The following DSCAM variants were observed in gnomAD, a reference collection of about 807,000 sequenced individuals.
The protein encoded by DSCAM is cell adhesion molecule DSCAM.
In DSCAM, 47 loss-of-function variants were observed where a neutral mutation model predicts 217.7. The ratio of observed to expected loss-of-function variants is 0.22; its 90% CI spans 0.17 to 0.28. The LOEUF (loss-of-function observed/expected upper bound fraction) is 0.28, where lower values mean the gene tolerates loss of function less well. Ranked by LOEUF, DSCAM falls within the 10% of genes least tolerant of loss-of-function variation. The pLI is 1.00. For missense variants in DSCAM, 2,080 were observed against 2,618.3 expected (o/e 0.79, Z 4.49); for synonymous variants, 1,056 against 1,015.3 (o/e 1.04, Z -0.76).
chr21:40,585,399 G>A (rs1456910131), intron 3 of DSCAM, among the ~76,000 whole-genome samples: 9 of 46,708 alleles, frequency 1.9e-4, no homozygotes, highest in African/African-American at 5.0e-4. Flanking sequence ...CAGCCTGGGC[G>A]ACAGAGCAAG....
At chr21:40,058,910 T>C (rs1436483510) in intron 28 of DSCAM, among the ~76,000 whole-genome samples, 1 of 152,200 alleles carries the variant, frequency 6.6e-6, no homozygotes, top group East Asian at 1.9e-4. Context: ...GCTAAACATA[T>C]TAGTTATTAT....
chr21:40,205,377 C>T (rs770010579), intron 11 of DSCAM, among the ~76,000 whole-genome samples: 1 of 152,070 alleles, frequency 6.6e-6, no homozygotes, highest in Non-Finnish European at 1.5e-5. Context: ...CCAAGGCAGG[C>T]AGATCATCTG....
chr21:40,370,236 A>G (rs1313429782), intron 3 of DSCAM, among the ~76,000 whole-genome samples: 1 of 151,458 alleles, frequency 6.6e-6, no homozygotes, highest in Non-Finnish European at 1.5e-5. Context: ...AAGATAATAA[A>G]ATTTCTGGTC....
intron 3 of DSCAM, among the ~76,000 whole-genome samples, chr21:40,526,640 C>T (rs914697708): frequency 2.6e-5 from 4 of 151,988 alleles, no homozygotes; most frequent in African/African-American, 9.7e-5. Flanking sequence ...AGGAACTTTG[C>T]TTATCAGATT....
chr21:40,138,689 GGTGTGTGGTGTATGTGTGGT>G (rs1380716045), intron 18 of DSCAM, among the ~76,000 whole-genome samples: 2 of 141,696 alleles, frequency 1.4e-5, no homozygotes, highest in African/African-American at 5.4e-5. Flanking sequence ...TGTGTGGTGT[GGTGTGTGGTGTATGTGTGGT>G]GTGTGTGGTG....
intron 1 of DSCAM, among the ~76,000 whole-genome samples, chr21:40,769,640 GACTTTA>G (rs987767244): frequency 2.0e-5 from 3 of 152,198 alleles, no homozygotes; most frequent in African/African-American, 7.2e-5. Context: ...TCCCTGACCA[GACTTTA>G]GGCAGGCCCC....
At chr21:40,230,163 C>T (rs1176995407) in intron 11 of DSCAM, among the ~76,000 whole-genome samples, 5 of 152,078 alleles carry the variant, frequency 3.3e-5, no homozygotes, top group African/African-American at 1.2e-4. Flanking sequence ...TCTTTTCTTG[C>T]AATGTTTTTA....
intron 19 of DSCAM, among the ~76,000 whole-genome samples, chr21:40,124,807 A>T (rs2090077224): frequency 6.6e-6 from 1 of 152,096 alleles, no homozygotes; most frequent in Non-Finnish European, 1.5e-5. Flanking sequence ...TAAATTCCTA[A>T]TGTTGGAGTC....
chr21:40,374,768 G>A (rs191197347), intron 3 of DSCAM, among the ~76,000 whole-genome samples: 19 of 152,302 alleles, frequency 1.2e-4, no homozygotes, highest in East Asian at 7.7e-4. Flanking sequence ...TTCTCTTTCC[G>A]CCCTGTGGGA....
chr21:40,584,736 GGT>G (rs1176337875), intron 3 of DSCAM, among the ~76,000 whole-genome samples: 1 of 152,100 alleles, frequency 6.6e-6, no homozygotes, highest in Non-Finnish European at 1.5e-5. Flanking sequence ...AAGCGCTGTA[GGT>G]GGGAGCTATG....
At chr21:40,184,257 G>A (rs979318248) in intron 14 of DSCAM, among the ~76,000 whole-genome samples, 12 of 152,274 alleles carry the variant, frequency 7.9e-5, no homozygotes, top group African/African-American at 2.9e-4. Flanking sequence ...AAAATTTCTG[G>A]AGGAAGAAAC....
At chr21:40,447,595 T>C (rs1243139005) in intron 3 of DSCAM, among the ~76,000 whole-genome samples, 5 of 152,228 alleles carry the variant, frequency 3.3e-5, no homozygotes, top group Admixed American at 1.3e-4. Flanking sequence ...CGAAATGCTA[T>C]GGCAAACTTT....
At chr21:40,087,434 G>C in intron 21 of DSCAM, 147 bp from the exon 22 acceptor site, 1 of 609,498 alleles carries the variant, frequency 1.6e-6, no homozygotes, top group African/African-American at 1.8e-5. Context: ...TCTGGTACCC[G>C]GGTTATGAGG....
intron 20 of DSCAM, among the ~76,000 whole-genome samples, chr21:40,110,476 C>A (rs1319293414): frequency 2.0e-5 from 3 of 152,152 alleles, no homozygotes; most frequent in Admixed American, 2.0e-4. Context: ...AAAAACAGAG[C>A]AGAAGAACTG....
intron 32 of DSCAM, among the ~76,000 whole-genome samples, chr21:40,014,298 G>C (rs1006922961): frequency 6.6e-6 from 1 of 152,230 alleles, no homozygotes; most frequent in African/African-American, 2.4e-5. Context: ...ACTGAGGCAG[G>C]AGAATCGCTT....
chr21:40,513,570 T>C (rs1195876242), intron 3 of DSCAM, among the ~76,000 whole-genome samples: 7 of 152,100 alleles, frequency 4.6e-5, no homozygotes, highest in African/African-American at 1.4e-4. Context: ...GCAAGAGTGA[T>C]GGCAGGAAGT....
chr21:40,248,859 A>G lies in DSCAM; in HGVS notation c.2356+27238T>C, dbSNP rs140392371. Among the ~76,000 whole-genome samples, 338 of 152,330 alleles carry G rather than the reference A, an allele frequency of 2.2e-3. 2 individuals are homozygous for G. Among genetic ancestry groups the G allele is most frequent in the African/African-American group, 7.8e-3 (324 of 41,580 alleles). ...GGTTGGATTGGACTTACAGTTCCAC[A>G]TGGCTGAGGAGGCCTCAGAATCACG... On this transcript the variant is annotated intron_variant, in intron 11 of 32. Transcript: ENST00000400454.
At chr21:40,789,553 ATTTT>A (rs3071032) in intron 1 of DSCAM, among the ~76,000 whole-genome samples, 209 of 128,702 alleles carry the variant, frequency 1.6e-3, no homozygotes, top group Admixed American at 2.0e-3. Context: ...GAGTAGATTG[ATTTT>A]TTTTTTTTTT....
chr21:40,047,468 G>C (rs906894655), intron 30 of DSCAM, among the ~76,000 whole-genome samples: 1 of 152,186 alleles, frequency 6.6e-6, no homozygotes, highest in Non-Finnish European at 1.5e-5. Flanking sequence ...GAGGGCACAG[G>C]ATATAAATAG....
Sources: gnomAD v4.1 joint callset for allele counts (sites outside exome capture counted in the v4.1 genomes callset) on GRCh38, gnomAD v4.1.1 for gene constraint, MANE v1.5 for transcripts, NCBI Gene and HGNC (gene_info 2026-07-23, HGNC 2026-07-21) for gene names.